Variants in DNAH3 observed in about 807,000 individuals in gnomAD.
DNAH3 encodes dynein axonemal heavy chain 3, also known as axonemal beta dynein heavy chain 3.
In DNAH3, 332 loss-of-function variants were observed where a neutral mutation model predicts 432.5. The observed-to-expected ratio is 0.77, with a 90% confidence interval of 0.70 to 0.84. The LOEUF is 0.84. Among genes scored for constraint, DNAH3 ranks in the 40% least tolerant of loss-of-function variants. The probability of loss-of-function intolerance (pLI) is 0.00; values close to 1 mark genes in which losing one functional copy is unlikely to be tolerated. For missense variants in DNAH3, 4,861 were observed against 5,114.0 expected (o/e 0.95, Z 1.51); for synonymous variants, 1,956 against 1,900.2 (o/e 1.03, Z -0.76).
intron 14 of DNAH3, among the ~76,000 whole-genome samples, chr16:21,109,992 C>A: frequency 6.6e-6 from 1 of 152,134 alleles, no homozygotes; most frequent in East Asian, 1.9e-4. Flanking sequence ...AATCCTCCTG[C>A]CTCCACCTCC....
chr16:21,031,910 C>T (rs987362483), intron 36 of DNAH3, among the ~76,000 whole-genome samples: 4 of 152,124 alleles, frequency 2.6e-5, no homozygotes, highest in African/African-American at 9.7e-5. Flanking sequence ...TGCCTGTAAA[C>T]CCAGCCATTC....
Position 20,979,393 on chromosome 16 carries a change from C to CTCTT in DNAH3, c.8009_8012dup (p.Val2672ArgfsTer52). On this transcript the variant is annotated frameshift_variant, in exon 50 of 62. Coordinates refer to ENST00000261383, the Ensembl canonical transcript of DNAH3. LOFTEE classifies it high-confidence loss of function. ...GGTAGCGGTTCCTCATCATAGCCAC[C>CTCTT]TCTTGCCTCTTGCTATTCAGGAGCG... 1 of 1,614,170 alleles carries CTCTT rather than the reference C, an allele frequency of 6.2e-7. No individual in the cohort carries two copies. Among genetic ancestry groups the CTCTT allele is most frequent in the Non-Finnish European group, 8.5e-7 (1 of 1,180,026 alleles).
chr16:21,026,043 T>C (rs1369881221), intron 38 of DNAH3, among the ~76,000 whole-genome samples: 1 of 152,152 alleles, frequency 6.6e-6, no homozygotes, highest in African/African-American at 2.4e-5. Context: ...TGGCCACCAA[T>C]AACTCGATTA....
At chr16:21,087,102 A>C (rs773258646) in intron 18 of DNAH3, 42 bp from the exon 19 acceptor site, 8 of 1,501,606 alleles carry the variant, frequency 5.3e-6, no homozygotes, top group Admixed American at 1.7e-5. Flanking sequence ...CATCATGTGG[A>C]TGTTAGTCAT....
chr16:21,009,046 G>A (rs1019835671), intron 41 of DNAH3, among the ~76,000 whole-genome samples: 1 of 152,168 alleles, frequency 6.6e-6, no homozygotes, highest in African/African-American at 2.4e-5. Context: ...ACAGAGCGAC[G>A]AGAATGTTCT....
chr16:20,952,762 T>A (rs2084373589), intron 55 of DNAH3, among the ~76,000 whole-genome samples: 1 of 152,208 alleles, frequency 6.6e-6, no homozygotes, highest in Non-Finnish European at 1.5e-5. Flanking sequence ...ATCAATTTCC[T>A]TATATACCTC....
At chr16:20,965,378 C>A (rs2085009551) in exon 53 of DNAH3, 1 of 1,537,500 alleles carries the variant, frequency 6.5e-7, no homozygotes, top group South Asian at 1.3e-5. Flanking sequence ...AATTTCAGAT[C>A]CCCAAGAATC....
At chr16:21,013,719 C>CA (rs557641711) in intron 41 of DNAH3, among the ~76,000 whole-genome samples, 7,196 of 46,826 alleles carry the variant, frequency 0.15, 464 homozygotes, top group Non-Finnish European at 0.17. Flanking sequence ...AACTCCATCT[C>CA]AAAAAAAAAA....
rs376038662 is a variant in DNAH3 at position 20,968,177 on chromosome 16, T to G, written c.8458+1615A>C. ...TCAACCTCCCAGGCTCAAGCGTTCC[T>G]CTCTTCTCAGCCTCCTGAGCAGCTG... On this transcript the variant is annotated intron_variant, in intron 52 of 61. Transcript: ENST00000261383. Among the ~76,000 whole-genome samples, 44 of 152,258 alleles carry G rather than the reference T, an allele frequency of 2.9e-4. No individual in the cohort carries two copies. The East Asian group carries it at 2.9e-3, about 10-fold the overall frequency.
Position 21,146,070 on chromosome 16 carries a change from TG to T in DNAH3, c.135del (p.Ile46TyrfsTer4). Reference sequence around the variant, plus strand: ...CCCTGGGAGTGGCTCATGTGATGTATGGAGTCACTTTTGGCGATCTGTGGGA... The same window carrying T: ...CCCTGGGAGTGGCTCATGTGATGTATGAGTCACTTTTGGCGATCTGTGGGA... On this transcript the variant is annotated frameshift_variant, in exon 2 of 62. Coordinates refer to ENST00000261383, the Ensembl canonical transcript of DNAH3. LOFTEE classifies it high-confidence loss of function. 6.2e-7 allele frequency: 1 copy of T among 1,613,156 alleles called. No homozygotes were observed. Among genetic ancestry groups the T allele is most frequent in the East Asian group, 2.2e-5 (1 of 44,874 alleles).
At chr16:21,020,397 A>ATATATATATATATATTTTTTTTTTTTTT (rs1555530020) in intron 40 of DNAH3, among the ~76,000 whole-genome samples, 1 of 34,594 alleles carries the variant, frequency 2.9e-5, no homozygotes, top group South Asian at 2.0e-3. Flanking sequence ...ATATATATAT[A>ATATATATATATATATTTTTTTTTTTTTT]TTTTTTTTTT....
intron 43 of DNAH3, 72 bp downstream of exon 43, chr16:21,000,152 G>A: frequency 6.6e-7 from 1 of 1,509,262 alleles, no homozygotes. Context: ...GGCACCACAA[G>A]CAGAAGCTAT....
chr16:21,116,279 A>G (rs2092197483), intron 12 of DNAH3, among the ~76,000 whole-genome samples: 1 of 151,622 alleles, frequency 6.6e-6, no homozygotes, highest in African/African-American at 2.4e-5. Context: ...TTCATCTTGA[A>G]TTGTGGTTCC....
chr16:21,045,915 C>T (rs2089674566), intron 31 of DNAH3, among the ~76,000 whole-genome samples: 2 of 141,320 alleles, frequency 1.4e-5, no homozygotes, highest in Non-Finnish European at 3.1e-5. Context: ...TTTATTTCTG[C>T]CTTCATTTCG....
intron 5 of DNAH3, 111 bp downstream of exon 6, chr16:21,140,424 TG>T: frequency 8.5e-7 from 1 of 1,171,156 alleles, no homozygotes; most frequent in Non-Finnish European, 1.2e-6. Context: ...TAGACTTTGG[TG>T]TTTTTCAAAC....
intron 33 of DNAH3, among the ~76,000 whole-genome samples, chr16:21,038,734 T>C (rs1000530586): frequency 6.6e-6 from 1 of 152,182 alleles, no homozygotes; most frequent in African/African-American, 2.4e-5. Flanking sequence ...GGGCATAAGG[T>C]TGGTGACTCA....
chr16:21,064,860 GGTGTGTGTGT>G (rs369066790), intron 24 of DNAH3, among the ~76,000 whole-genome samples: 10,449 of 131,728 alleles, frequency 0.079, 457 homozygotes, highest in Non-Finnish European at 0.12. Flanking sequence ...TATTGAGGTA[GGTGTGTGTGT>G]GTGTGTGTGT....
At chr16:20,961,365 A>G (rs536254928) in intron 53 of DNAH3, among the ~76,000 whole-genome samples, 2 of 152,060 alleles carry the variant, frequency 1.3e-5, no homozygotes, top group Admixed American at 1.3e-4. Flanking sequence ...GGAGGGAGAA[A>G]GGATAGCATT....
intron 61 of DNAH3, 130 bp from the exon 62 acceptor site, chr16:20,933,637 A>T: frequency 1.4e-6 from 1 of 692,596 alleles, no homozygotes; most frequent in Non-Finnish European, 2.4e-6. Context: ...GGATCCAGGG[A>T]CAATGGGGCT....
Sources: gnomAD v4.1 joint callset for allele counts (sites outside exome capture counted in the v4.1 genomes callset) on GRCh38, gnomAD v4.1.1 for gene constraint, MANE v1.5 for transcripts, NCBI Gene and HGNC (gene_info 2026-07-23, HGNC 2026-07-21) for gene names.